Variants in PRLR observed in about 807,000 individuals in gnomAD.
PRLR encodes the protein hPRL receptor.
PRLR carries 13 observed loss-of-function variants against 40.2 expected under a neutral mutation model. That is an observed-to-expected ratio of 0.32 (90% CI 0.21 to 0.51). PRLR has a LOEUF of 0.51. PRLR is among the 20% of genes least tolerant of loss of function. PRLR has a pLI of 0.97. For synonymous variants in PRLR, 269 were observed against 278.7 expected, an observed-to-expected ratio of 0.97 and a Z score of 0.35; for missense variants, 656 against 747.3, an observed-to-expected ratio of 0.88 and a Z score of 1.42.
chr5:35,174,969 G>C (rs1775103839), intron 1 of PRLR, among the ~76,000 whole-genome samples: 2 of 152,172 alleles, frequency 1.3e-5, no homozygotes, highest in Admixed American at 6.5e-5. Flanking sequence ...ATCATGTTAG[G>C]TATAATATAA....
In PRLR at chr5:35,064,954, G is replaced by T; in HGVS notation, c.*135C>A. 1 of 965,070 alleles carries T rather than the reference G, an allele frequency of 1.0e-6. No individual in the cohort carries two copies. The highest frequency in any genetic ancestry group is 1.8e-5 in the South Asian group (1 of 54,322). 59.8% of individuals were successfully genotyped at this position (965,070 alleles called of 1,614,324 possible). A position where few individuals can be genotyped will look rare whatever the true frequency, so the allele number is the denominator to read the frequency against. ...CAGCTGCTGGAGAAAGAGGCAAGTG[G>T]TTAAAAATGGAGCATGAAAGGAGCT... is the stretch of plus-strand genomic sequence containing the variant. On this transcript the variant is annotated 3_prime_UTR_variant, in exon 10 of 10. Transcript: ENST00000618457.
At chr5:35,223,896 T>A (rs1255896846) in intron 1 of PRLR, among the ~76,000 whole-genome samples, 1 of 152,210 alleles carries the variant, frequency 6.6e-6, no homozygotes. Flanking sequence ...TGTAGAAATA[T>A]TACCAGGGCA....
chr5:35,070,388 C>A (rs1487579149), intron 6 of PRLR, 123 bp from the exon 7 acceptor site: 8 of 1,047,264 alleles, frequency 7.6e-6, no homozygotes, highest in Non-Finnish European at 1.1e-5. Context: ...CCTGCTGTCA[C>A]TACTCCACTG....
intron 2 of PRLR, among the ~76,000 whole-genome samples, chr5:35,103,438 C>T (rs1163196858): frequency 6.6e-6 from 1 of 152,116 alleles, no homozygotes; most frequent in African/African-American, 2.4e-5. Flanking sequence ...CACATTTGGC[C>T]ACTAGAATAT....
At chr5:35,076,652 C>T (rs554045463) in intron 5 of PRLR, among the ~76,000 whole-genome samples, 1 of 152,084 alleles carries the variant, frequency 6.6e-6, no homozygotes, top group Non-Finnish European at 1.5e-5. Context: ...CTTCTCCAAC[C>T]TAGAAAGGCA....
chr5:35,091,064 G>A (rs1278726210), intron 2 of PRLR, among the ~76,000 whole-genome samples: 3 of 151,870 alleles, frequency 2.0e-5, no homozygotes, highest in African/African-American at 4.8e-5. Context: ...CACCTGCCTC[G>A]GCCTCCCAAA....
At chr5:35,201,543 T>C (rs1406555976) in intron 1 of PRLR, among the ~76,000 whole-genome samples, 1 of 152,204 alleles carries the variant, frequency 6.6e-6, no homozygotes, top group African/African-American at 2.4e-5. Flanking sequence ...ATTTTCTCCA[T>C]GAAGACTTAA....
At chr5:35,049,418 G>A (rs1399421411) in intron 8 of PRLR, 4 of 702,852 alleles carry the variant, frequency 5.7e-6, no homozygotes, top group Non-Finnish European at 1.0e-5. Context: ...CCTGGAGTGG[G>A]GAAGAAAAAC....
At chr5:35,131,556 C>A (rs1773678457) in intron 1 of PRLR, among the ~76,000 whole-genome samples, 1 of 152,152 alleles carries the variant, frequency 6.6e-6, no homozygotes, top group Non-Finnish European at 1.5e-5. Context: ...AGCCTGGCAA[C>A]CTTCATTTAA....
chr5:35,113,449 C>A (rs1286838084), intron 2 of PRLR, among the ~76,000 whole-genome samples: 1 of 94,368 alleles, frequency 1.1e-5, no homozygotes, highest in African/African-American at 4.9e-5. Flanking sequence ...ACCCACCCAC[C>A]TATCCATCCA....
intron 1 of PRLR, among the ~76,000 whole-genome samples, chr5:35,190,024 C>T (rs1480580462): frequency 2.0e-5 from 3 of 152,114 alleles, no homozygotes; most frequent in East Asian, 3.9e-4. Flanking sequence ...ATTCAAGAGG[C>T]AAGAGGGAGA....
chr5:35,183,298 C>T lies in PRLR; in HGVS notation c.-106+46970G>A, dbSNP rs114001597. ...TCCATTAAAGAACAGACAGTCACCA[C>T]GTTCCTCTGAGAATTTCTCTTCTAC... On this transcript the variant is annotated intron_variant, in intron 1 of 9. Coordinates refer to ENST00000618457, the MANE Select transcript of PRLR (RefSeq NM_000949.7). Among the ~76,000 whole-genome samples, 491 of 152,304 alleles carry T rather than the reference C, an allele frequency of 3.2e-3. 5 individuals carry two copies. The highest frequency in any genetic ancestry group is 5.7e-3 in the Non-Finnish European group (388 of 68,028).
intron 1 of PRLR, among the ~76,000 whole-genome samples, chr5:35,140,264 A>G (rs1193655013): frequency 1.3e-5 from 2 of 152,326 alleles, no homozygotes; most frequent in African/African-American, 2.4e-5. Context: ...ATGAAGAAAA[A>G]GGGCTACTGA....
intron 1 of PRLR, among the ~76,000 whole-genome samples, chr5:35,177,700 A>G (rs1775186782): frequency 6.6e-6 from 1 of 152,184 alleles, no homozygotes; most frequent in African/African-American, 2.4e-5. Flanking sequence ...TTGTTTATCT[A>G]TTTATCCATT....
intron 3 of PRLR, among the ~76,000 whole-genome samples, chr5:35,086,904 C>T (rs935972515): frequency 2.6e-5 from 4 of 152,182 alleles, no homozygotes; most frequent in African/African-American, 9.7e-5. Context: ...GATCTTCTGT[C>T]CGTTCACTAC....
chr5:35,181,800 G>A (rs936219988), intron 1 of PRLR, among the ~76,000 whole-genome samples: 3 of 152,118 alleles, frequency 2.0e-5, no homozygotes, highest in South Asian at 2.1e-4. Flanking sequence ...AGTAGAAGTC[G>A]TCTGGGTTGC....
chr5:35,084,729 G>A, intron 4 of PRLR, 90 bp from the exon 5 acceptor site: 2 of 1,280,024 alleles, frequency 1.6e-6, no homozygotes, highest in South Asian at 1.5e-5. Flanking sequence ...TGGCCTTTGG[G>A]TATCAGAAAT....
chr5:35,070,035 A>G (rs564744514), intron 7 of PRLR, 89 bp downstream of exon 7: 2 of 1,435,676 alleles, frequency 1.4e-6, no homozygotes, highest in East Asian at 4.7e-5. Context: ...TAAGGCTCAA[A>G]ATGGTTTCTC....
chr5:35,092,151 C>G (rs888766298), intron 2 of PRLR, among the ~76,000 whole-genome samples: 1 of 152,146 alleles, frequency 6.6e-6, no homozygotes, highest in Non-Finnish European at 1.5e-5. Context: ...TAAAGTTTTC[C>G]TATAATAATG....
Sources: gnomAD v4.1 joint callset for allele counts (sites outside exome capture counted in the v4.1 genomes callset) on GRCh38, gnomAD v4.1.1 for gene constraint, MANE v1.5 for transcripts, NCBI Gene and HGNC (gene_info 2026-07-23, HGNC 2026-07-21) for gene names.